The following KHDRBS2 variants were observed in gnomAD, a reference collection of about 807,000 sequenced individuals.
KHDRBS2 encodes KH RNA binding domain containing, signal transduction associated 2.
A neutral mutation model predicts 44.3 loss-of-function variants in KHDRBS2; 26 were observed. The observed-to-expected ratio is 0.59, with a 90% CI of 0.43 to 0.81. The LOEUF (loss-of-function observed/expected upper bound fraction) is 0.81, where lower values mean the gene tolerates loss of function less well. Among genes scored for constraint, KHDRBS2 ranks in the 40% least tolerant of loss-of-function variants. The probability of loss-of-function intolerance (pLI) is 0.00; values close to 1 mark genes in which losing one functional copy is unlikely to be tolerated. For synonymous variants in KHDRBS2, 194 were observed against 151.1 expected (o/e 1.28, Z -2.08); for missense variants, 476 against 433.1 (o/e 1.10, Z -0.88).
At chr6:61,851,254 T>C (rs1348064555) in intron 6 of KHDRBS2, among the ~76,000 whole-genome samples, 1 of 124,864 alleles carries the variant, frequency 8.0e-6, no homozygotes. Flanking sequence ...CGTGTGTGTA[T>C]ATAGGTGTAT....
intron 1 of KHDRBS2, among the ~76,000 whole-genome samples, chr6:62,283,239 T>C (rs536772920): frequency 1.1e-4 from 17 of 152,238 alleles, no homozygotes; most frequent in African/African-American, 4.1e-4. Flanking sequence ...ATCATTCTCA[T>C]TGAAAACACA....
At chr6:62,173,718 C>T (rs1328336314) in intron 2 of KHDRBS2, among the ~76,000 whole-genome samples, 1 of 151,986 alleles carries the variant, frequency 6.6e-6, no homozygotes, top group Non-Finnish European at 1.5e-5. Context: ...GCTAATATTC[C>T]ACAATCAGGT....
At chr6:62,130,985 TATG>T (rs1810163340) in intron 2 of KHDRBS2, among the ~76,000 whole-genome samples, 1 of 152,088 alleles carries the variant, frequency 6.6e-6, no homozygotes, top group Non-Finnish European at 1.5e-5. Context: ...CCTGTACTAG[TATG>T]ATTACATAAT....
At chr6:61,859,486 G>A (rs370386246) in intron 6 of KHDRBS2, among the ~76,000 whole-genome samples, 8 of 151,284 alleles carry the variant, frequency 5.3e-5, no homozygotes, top group East Asian at 1.9e-4. Context: ...AAAAAAAGTC[G>A]CCCATTTATA....
chr6:61,759,710 A>G (rs1778999432), intron 6 of KHDRBS2, among the ~76,000 whole-genome samples: 1 of 152,214 alleles, frequency 6.6e-6, no homozygotes, highest in South Asian at 2.1e-4. Flanking sequence ...TTCCCTTGTT[A>G]GCACGATTCA....
chr6:61,851,790 A>C (rs1795462697), intron 6 of KHDRBS2, among the ~76,000 whole-genome samples: 1 of 152,234 alleles, frequency 6.6e-6, no homozygotes, highest in Admixed American at 6.5e-5. Flanking sequence ...GATATTCAAT[A>C]TGTTTTACTA....
intron 2 of KHDRBS2, among the ~76,000 whole-genome samples, chr6:62,153,955 C>A (rs769100663): frequency 6.6e-6 from 1 of 152,144 alleles, no homozygotes; most frequent in Non-Finnish European, 1.5e-5. Flanking sequence ...CAAAATAGGC[C>A]TCTCTGAAGG....
In KHDRBS2 at chr6:62,247,875, A is replaced by G. The variant is rs1835872969; in HGVS notation, c.91+37983T>C. Among the ~76,000 whole-genome samples, 12 of 152,102 alleles carry G rather than the reference A, an allele frequency of 7.9e-5. No homozygotes were observed. The South Asian group carries it at 2.5e-3, about 31-fold the overall frequency. On this transcript the variant is annotated intron_variant, in intron 1 of 8. Coordinates refer to ENST00000281156, the MANE Select transcript of KHDRBS2 (RefSeq NM_152688.4). ...TTCTATTCAAGGAACTCCCCAGAGA[A>G]TATCTCCATTTTTTAAAATCCATAA...
At chr6:61,962,502 A>AT (rs1001446006) in intron 4 of KHDRBS2, among the ~76,000 whole-genome samples, 11 of 151,650 alleles carry the variant, frequency 7.3e-5, no homozygotes, top group East Asian at 5.8e-4. Flanking sequence ...TTGCAAAGTT[A>AT]TTTTTTTTAA....
At chr6:61,993,086 T>C (rs1776445488) in intron 3 of KHDRBS2, among the ~76,000 whole-genome samples, 1 of 152,162 alleles carries the variant, frequency 6.6e-6, no homozygotes. Context: ...CTTTGCAGAA[T>C]GTTTTCTCAA....
chr6:61,871,224 T>G (rs142989905), intron 6 of KHDRBS2, among the ~76,000 whole-genome samples: 2 of 152,114 alleles, frequency 1.3e-5, no homozygotes, highest in Non-Finnish European at 2.9e-5. Flanking sequence ...CAAGTATCCA[T>G]AGCTGGATTG....
intron 6 of KHDRBS2, among the ~76,000 whole-genome samples, chr6:61,873,082 A>T (rs552075876): frequency 6.6e-6 from 1 of 152,196 alleles, no homozygotes; most frequent in East Asian, 1.9e-4. Flanking sequence ...ATAACATAGG[A>T]GAAGATTTTT....
chr6:61,590,578 C>A, the KHDRBS2 span, among the ~76,000 whole-genome samples: 6 of 152,236 alleles, frequency 3.9e-5, no homozygotes, highest in African/African-American at 9.6e-5. Context: ...TCCTGTTTAA[C>A]CTTTGTTTCT....
At chr6:61,633,734 A>G in the KHDRBS2 span, among the ~76,000 whole-genome samples, 1 of 152,020 alleles carries the variant, frequency 6.6e-6, no homozygotes, top group African/African-American at 2.4e-5. Context: ...GAATGAGCAA[A>G]CAAACACTGG....
chr6:61,924,405 C>T (rs1808594324), intron 4 of KHDRBS2, among the ~76,000 whole-genome samples: 1 of 151,986 alleles, frequency 6.6e-6, no homozygotes, highest in Admixed American at 6.6e-5. Flanking sequence ...TTCACAGCTG[C>T]ATACATCAAA....
At chr6:62,104,972 T>C (rs1802814237) in intron 2 of KHDRBS2, among the ~76,000 whole-genome samples, 1 of 152,076 alleles carries the variant, frequency 6.6e-6, no homozygotes, top group African/African-American at 2.4e-5. Context: ...TTATAGATTC[T>C]AGAGACATTT....
chr6:61,995,121 C>G (rs764186147), intron 3 of KHDRBS2, among the ~76,000 whole-genome samples: 1 of 152,072 alleles, frequency 6.6e-6, no homozygotes, highest in African/African-American at 2.4e-5. Flanking sequence ...TCATGGCCTA[C>G]AAAGCACTAT....
chr6:62,197,741 T>C (rs1445755565), intron 1 of KHDRBS2, among the ~76,000 whole-genome samples: 3 of 152,156 alleles, frequency 2.0e-5, no homozygotes, highest in Non-Finnish European at 4.4e-5. Context: ...GCAGACCTAA[T>C]AGACATCTAC....
At chr6:61,661,654 C>A in the KHDRBS2 span, among the ~76,000 whole-genome samples, 1 of 151,804 alleles carries the variant, frequency 6.6e-6, no homozygotes, top group Non-Finnish European at 1.5e-5. Context: ...ACAATTGCTT[C>A]ACAGAGAATA....
Sources: allele counts gnomAD v4.1 joint callset (sites outside exome capture counted in the v4.1 genomes callset), GRCh38; gene constraint gnomAD v4.1.1; transcripts MANE v1.5; gene names NCBI Gene and HGNC (gene_info 2026-07-23, HGNC 2026-07-21).